ZDHHC3: variants seen among roughly 807,000 people sequenced by gnomAD.
ZDHHC3 encodes zDHHC palmitoyltransferase 3, also known as palmitoyltransferase ZDHHC3.
A neutral mutation model predicts 30.6 loss-of-function variants in ZDHHC3; 9 were observed. That is an observed-to-expected ratio of 0.29 (90% CI 0.18 to 0.51). The LOEUF (loss-of-function observed/expected upper bound fraction) is 0.51, where lower values mean the gene tolerates loss of function less well. Among genes scored for constraint, ZDHHC3 ranks in the 20% least tolerant of loss-of-function variants. The probability of loss-of-function intolerance (pLI) is 0.97; values close to 1 mark genes in which losing one functional copy is unlikely to be tolerated. For synonymous variants in ZDHHC3, 136 were observed against 140.2 expected, an observed-to-expected ratio of 0.97 and a Z score of 0.21; for missense variants, 246 against 384.2, an observed-to-expected ratio of 0.64 and a Z score of 3.01.
intron 1 of ZDHHC3, among the ~76,000 whole-genome samples, chr3:44,973,132 A>G (rs1297714609): frequency 6.6e-6 from 1 of 152,246 alleles, no homozygotes; most frequent in African/African-American, 2.4e-5. Context: ...TTATGCTTGA[A>G]CAGACTTCTT....
At position 44,924,416 on chromosome 3, in the gene ZDHHC3, G is replaced by A; in HGVS notation, c.*2273C>T. ...CCTATCTTCTGAGAGCAACTGGTTT[G>A]AGAGCTCAGAAACATTGACTCTTTC... On this transcript the variant is annotated 3_prime_UTR_variant, in exon 7 of 7. Transcript: ENST00000424952. The A allele has an allele frequency of 1.0e-6, 1 of 985,456 alleles. No individual in the cohort carries two copies. The highest frequency in any genetic ancestry group is 1.2e-6 in the Non-Finnish European group (1 of 829,938). 61.0% of individuals were successfully genotyped at this position (985,456 alleles called of 1,614,324 possible).
chr3:44,924,287 C>G lies in ZDHHC3; in HGVS notation c.*2402G>C, dbSNP rs1213856611. 1 of 985,350 alleles carries G rather than the reference C, an allele frequency of 1.0e-6. No individual in the cohort carries two copies. Among genetic ancestry groups the G allele is most frequent in the African/African-American group, 1.7e-5 (1 of 57,248 alleles). 61.0% of individuals were successfully genotyped at this position (985,350 alleles called of 1,614,324 possible). On this transcript the variant is annotated 3_prime_UTR_variant, in exon 7 of 7. Coordinates refer to ENST00000424952, the MANE Select transcript of ZDHHC3 (RefSeq NM_001135179.2). ...TGGAAGCCAGGCTGGGAACCAATCA[C>G]TACCCTGCAAATGATGGCTACATTC...
intron 1 of ZDHHC3, among the ~76,000 whole-genome samples, chr3:44,964,411 G>A (rs1704752155): frequency 6.6e-6 from 1 of 152,198 alleles, no homozygotes; most frequent in African/African-American, 2.4e-5. Context: ...GGGAAGAGGA[G>A]GGGCAGGATG....
At chr3:44,929,547 TC>T in intron 5 of ZDHHC3, 111 bp from the exon 6 acceptor site, 1 of 1,438,602 alleles carries the variant, frequency 7.0e-7, no homozygotes, top group Non-Finnish European at 9.4e-7. Flanking sequence ...CCTTCATTCC[TC>T]CTGGGTGCCA....
rs569670379 is a variant in ZDHHC3 at position 44,918,963 on chromosome 3, T to C, written c.*7726A>G. 1.1e-5 allele frequency: 11 copies of C among 985,592 alleles called. No homozygotes were observed. Among genetic ancestry groups the C allele is most frequent in the African/African-American group, 1.0e-4 (6 of 57,366 alleles). 61.1% of individuals were successfully genotyped at this position (985,592 alleles called of 1,614,324 possible). ...GGGGCACTGCTTTCTCCATCTCTTC[T>C]GGAAGCCAAGGGAATTTGCTGTGGG... On this transcript the variant is annotated 3_prime_UTR_variant, in exon 7 of 7. Transcript: ENST00000424952.
chr3:44,925,067 A>G lies in ZDHHC3; in HGVS notation c.*1622T>C. On this transcript the variant is annotated 3_prime_UTR_variant, in exon 7 of 7. Transcript: ENST00000424952. ...AAAATAAAGTATCCTCATTCAAGAGACAGAGCAATGAAACAAACACCCAAC... is the reference window on the plus strand; with the variant it reads ...AAAATAAAGTATCCTCATTCAAGAGGCAGAGCAATGAAACAAACACCCAAC... 1.0e-6 allele frequency: 1 copy of G among 985,908 alleles called. No individual in the cohort carries two copies. The highest frequency in any genetic ancestry group is 1.2e-6 in the Non-Finnish European group (1 of 829,944). The allele number at this position is 985,908 out of a possible 1,614,324, so 61.1% of individuals were successfully genotyped here.
chr3:44,951,730 C>T (rs1703469118), intron 2 of ZDHHC3, among the ~76,000 whole-genome samples: 1 of 152,168 alleles, frequency 6.6e-6, no homozygotes, highest in Non-Finnish European at 1.5e-5. Context: ...CTGACCTCTC[C>T]CTTACTGTTC....
At chr3:44,945,002 G>A (rs1229385454) in intron 3 of ZDHHC3, among the ~76,000 whole-genome samples, 166 bp downstream of exon 3, 1 of 152,230 alleles carries the variant, frequency 6.6e-6, no homozygotes, top group Non-Finnish European at 1.5e-5. Flanking sequence ...CCAGGAAGGA[G>A]ACTCACAGTG....
chr3:44,919,976 T>C lies in ZDHHC3; in HGVS notation c.*6713A>G. The stretch of plus-strand genomic sequence containing the variant: ...TTAAGCAAATGATTCTATAACACTA[T>C]GCAGCTAGAAAAGATGGTTTAATAT... On this transcript the variant is annotated 3_prime_UTR_variant, in exon 7 of 7. Transcript: ENST00000424952. The C allele has an allele frequency of 3.5e-6, 4 of 1,130,006 alleles. No homozygotes were observed. The highest frequency in any genetic ancestry group is 2.0e-5 in the South Asian group (1 of 49,390). 70.0% of individuals were successfully genotyped at this position (1,130,006 alleles called of 1,614,324 possible).
In ZDHHC3 at chr3:44,919,019, T is replaced by A; in HGVS notation, c.*7670A>T. 1 of 985,502 alleles carries A rather than the reference T, an allele frequency of 1.0e-6. No individual in the cohort carries two copies. Among genetic ancestry groups the A allele is most frequent in the African/African-American group, 1.7e-5 (1 of 57,370 alleles). 61.0% of individuals were successfully genotyped at this position (985,502 alleles called of 1,614,324 possible). A position where few individuals can be genotyped will look rare whatever the true frequency, so the allele number is the denominator to read the frequency against. ...TGGGCTTGGGCACTGCTCCTTCACA[T>A]GACTCAAGAAAGATCTCTGTGTATC... is the stretch of plus-strand genomic sequence containing the variant. On this transcript the variant is annotated 3_prime_UTR_variant, in exon 7 of 7. Coordinates refer to ENST00000424952, the MANE Select transcript of ZDHHC3 (RefSeq NM_001135179.2).
intron 1 of ZDHHC3, among the ~76,000 whole-genome samples, chr3:44,962,079 C>T (rs960886192): frequency 1.3e-5 from 2 of 152,366 alleles, no homozygotes; most frequent in South Asian, 2.1e-4. Flanking sequence ...GTCTCATCCA[C>T]ATCTGTGACG....
chr3:44,971,968 C>A (rs1705442408), intron 1 of ZDHHC3, among the ~76,000 whole-genome samples: 1 of 152,112 alleles, frequency 6.6e-6, no homozygotes, highest in African/African-American at 2.4e-5. Flanking sequence ...TTAAGGGATC[C>A]TCCCACCTCA....
At chr3:44,965,898 T>C (rs1284134255) in intron 1 of ZDHHC3, among the ~76,000 whole-genome samples, 1 of 152,214 alleles carries the variant, frequency 6.6e-6, no homozygotes, top group Non-Finnish European at 1.5e-5. Context: ...TTTGTGAGGA[T>C]TACTTTTCTA....
chr3:44,926,902 G>C, intron 6 of ZDHHC3, 55 bp from the exon 7 acceptor site: 1 of 1,526,686 alleles, frequency 6.6e-7, no homozygotes, highest in Non-Finnish European at 8.8e-7. Context: ...TGTGGTTTCT[G>C]GGGAGGGATG....
At chr3:44,968,418 CTGGGCATGGTGG>C (rs1705137587) in intron 1 of ZDHHC3, among the ~76,000 whole-genome samples, 1 of 152,176 alleles carries the variant, frequency 6.6e-6, no homozygotes, top group South Asian at 2.1e-4. Flanking sequence ...AAAAACAAGT[CTGGGCATGGTGG>C]CTCCCGCCTG....
chr3:44,923,833 A>C lies in ZDHHC3; in HGVS notation c.*2856T>G, dbSNP rs763980452. The C allele has an allele frequency of 6.2e-5, 61 of 985,328 alleles. No individual in the cohort carries two copies. The highest frequency in any genetic ancestry group is 5.2e-4 in the Middle Eastern group (1 of 1,936). The allele number at this position is 985,328 out of a possible 1,614,324, so 61.0% of individuals were successfully genotyped here. On this transcript the variant is annotated 3_prime_UTR_variant, in exon 7 of 7. Coordinates refer to ENST00000424952, the MANE Select transcript of ZDHHC3 (RefSeq NM_001135179.2). Reference sequence around the variant, plus strand: ...AAAAAGAGGAAGTACAGTATGAAGAAGACAAAATGGTGGGACTAAAAGGAG... The same window carrying C: ...AAAAAGAGGAAGTACAGTATGAAGACGACAAAATGGTGGGACTAAAAGGAG...
intron 5 of ZDHHC3, 62 bp downstream of exon 5, chr3:44,933,056 G>A (rs2125826184): frequency 1.8e-5 from 29 of 1,611,048 alleles, no homozygotes; most frequent in Middle Eastern, 1.7e-4. Flanking sequence ...GAGCCTCCCC[G>A]CCCCCCACTC....
chr3:44,940,720 G>A (rs1008116654), intron 3 of ZDHHC3, among the ~76,000 whole-genome samples: 1 of 152,002 alleles, frequency 6.6e-6, no homozygotes, highest in Non-Finnish European at 1.5e-5. Context: ...CATTTTTTCA[G>A]GCCTCAAACC....
Position 44,920,666 on chromosome 3 carries a change from G to A in ZDHHC3, c.*6023C>T. ...TCCAGTTCTACTGCAAATCACCACT[G>A]TGCCCAGGCTGAGCTCAGTCAGAGA... On this transcript the variant is annotated 3_prime_UTR_variant, in exon 7 of 7. Coordinates refer to ENST00000424952, the MANE Select transcript of ZDHHC3 (RefSeq NM_001135179.2). 6 of 985,326 alleles carry A rather than the reference G, an allele frequency of 6.1e-6. No individual in the cohort carries two copies. The highest frequency in any genetic ancestry group is 1.7e-5 in the African/African-American group (1 of 57,310). The allele number at this position is 985,326 out of a possible 1,614,324, so 61.0% of individuals were successfully genotyped here.
Sources: gnomAD v4.1 joint callset for allele counts (sites outside exome capture counted in the v4.1 genomes callset) on GRCh38, gnomAD v4.1.1 for gene constraint, MANE v1.5 for transcripts, NCBI Gene and HGNC (gene_info 2026-07-23, HGNC 2026-07-21) for gene names.